The following NLGN1 variants were observed in gnomAD, a reference collection of about 807,000 sequenced individuals.
The protein encoded by NLGN1 is neuroligin-1.
In NLGN1, 12 loss-of-function variants were observed where a neutral mutation model predicts 65.5. That is an observed-to-expected ratio of 0.18 (90% CI 0.12 to 0.30). The LOEUF is 0.30. Among genes scored for constraint, NLGN1 ranks in the 10% least tolerant of loss-of-function variants. The pLI is 1.00. For synonymous variants in NLGN1, 350 were observed against 359.5 expected (o/e 0.97, Z 0.30); for missense variants, 750 against 1,007.1 (o/e 0.74, Z 3.46).
chr3:174,217,466 G>A (rs1561313503), intron 4 of NLGN1, among the ~76,000 whole-genome samples: 3 of 152,066 alleles, frequency 2.0e-5, no homozygotes, highest in Non-Finnish European at 2.9e-5. Flanking sequence ...CAAGATAAGG[G>A]TACCAACATG....
chr3:173,795,997 A>G (rs187287512), intron 3 of NLGN1, among the ~76,000 whole-genome samples: 77 of 152,216 alleles, frequency 5.1e-4, no homozygotes, highest in Non-Finnish European at 9.7e-4. Flanking sequence ...CAGAAGCTCT[A>G]AATAATCCTA....
At chr3:173,955,221 T>C (rs1711697016) in intron 4 of NLGN1, among the ~76,000 whole-genome samples, 1 of 152,208 alleles carries the variant, frequency 6.6e-6, no homozygotes, top group South Asian at 2.1e-4. Flanking sequence ...CATCCTTGGC[T>C]CATAGGCCGT....
At chr3:174,102,545 G>T (rs1712778457) in intron 4 of NLGN1, among the ~76,000 whole-genome samples, 1 of 152,064 alleles carries the variant, frequency 6.6e-6, no homozygotes. Context: ...TAGGAAATGA[G>T]AGCCGTATTC....
chr3:173,521,511 C>G (rs551062469), intron 2 of NLGN1, among the ~76,000 whole-genome samples: 12 of 152,174 alleles, frequency 7.9e-5, no homozygotes, highest in Non-Finnish European at 1.5e-4. Flanking sequence ...AGCCTAGAAT[C>G]AGCACTGTAC....
At chr3:173,395,997 G>C (rs1716590059), upstream of NLGN1, among the ~76,000 whole-genome samples, 1 of 151,474 alleles carries the variant, frequency 6.6e-6, no homozygotes. Context: ...GAGAGGGAGA[G>C]AGAGAAGGTG....
intron 3 of NLGN1, among the ~76,000 whole-genome samples, chr3:173,620,818 G>A (rs1753874532): frequency 6.6e-6 from 1 of 152,020 alleles, no homozygotes; most frequent in Non-Finnish European, 1.5e-5. Context: ...TCAAAATTGA[G>A]AAGAAAAACA....
rs1170795287 is a variant in NLGN1, at chr3:173,860,214, A to C, written c.646+52382A>C. 2.0e-5 allele frequency among the ~76,000 whole-genome samples: 3 copies of C among 152,118 alleles called. No homozygotes were observed. The East Asian group carries it at 5.8e-4, about 29-fold the overall frequency. ...ATTAACATTATATACCTTTCCAAAAATACTGTTTTACATGTGTCCCAAATA... is the reference window on the plus strand; with the variant it reads ...ATTAACATTATATACCTTTCCAAAACTACTGTTTTACATGTGTCCCAAATA... On this transcript the variant is annotated intron_variant, in intron 4 of 6. Transcript: ENST00000457714.
chr3:173,692,168 T>C (rs1765567641), intron 3 of NLGN1, among the ~76,000 whole-genome samples: 1 of 152,096 alleles, frequency 6.6e-6, no homozygotes, highest in African/African-American at 2.4e-5. Flanking sequence ...TAAGGCATTC[T>C]CAACTGGAAA....
chr3:174,045,951 A>G (rs1164777949), intron 4 of NLGN1, among the ~76,000 whole-genome samples: 1 of 152,204 alleles, frequency 6.6e-6, no homozygotes, highest in East Asian at 1.9e-4. Context: ...CTTAGTTTCA[A>G]GAAATCTGAG....
chr3:173,433,590 T>C (rs1001557587), intron 1 of NLGN1, among the ~76,000 whole-genome samples: 4 of 152,354 alleles, frequency 2.6e-5, no homozygotes, highest in Middle Eastern at 3.4e-3. Flanking sequence ...CTAGCTATTT[T>C]ATATTTTTGC....
intron 3 of NLGN1, among the ~76,000 whole-genome samples, chr3:173,731,395 T>C (rs1056093697): frequency 6.6e-6 from 1 of 152,104 alleles, no homozygotes; most frequent in Non-Finnish European, 1.5e-5. Flanking sequence ...AAGTTTTTAT[T>C]TTGGAAATGC....
chr3:173,517,763 T>TATCC (rs1243485347), intron 2 of NLGN1, among the ~76,000 whole-genome samples: 1 of 145,794 alleles, frequency 6.9e-6, no homozygotes, highest in African/African-American at 2.8e-5. Context: ...TCTATCTATC[T>TATCC]ATCTATCTAT....
At chr3:173,847,659 G>A (rs192282152) in intron 4 of NLGN1, among the ~76,000 whole-genome samples, 1 of 152,192 alleles carries the variant, frequency 6.6e-6, no homozygotes, top group East Asian at 1.9e-4. Context: ...ATCACCTGAG[G>A]GCAGGAGTTT....
chr3:173,559,705 C>T (rs532182235), intron 2 of NLGN1, among the ~76,000 whole-genome samples: 3 of 152,008 alleles, frequency 2.0e-5, no homozygotes, highest in South Asian at 4.1e-4. Context: ...CGAGATATAA[C>T]GAAAGAGAAT....
In NLGN1 at chr3:173,804,597, G is replaced by A. The variant is rs375516142; in HGVS notation, c.494-3083G>A. Among the ~76,000 whole-genome samples the A allele has an allele frequency of 9.2e-4, 137 of 148,752 alleles. 1 individual carries two copies. The South Asian group carries it at 0.013, about 15-fold the overall frequency. ...TATTAGTTTTATTTATAAAGAGTCT[G>A]GTTCTTTCTAAAAACAAATAAATAG... On this transcript the variant is annotated intron_variant, in intron 3 of 6. Coordinates refer to ENST00000457714, the Ensembl canonical transcript of NLGN1.
chr3:173,723,660 A>G (rs1771249919), intron 3 of NLGN1, among the ~76,000 whole-genome samples: 1 of 152,204 alleles, frequency 6.6e-6, no homozygotes, highest in Non-Finnish European at 1.5e-5. Flanking sequence ...AATTTTCTAT[A>G]TAAAAATAAG....
intron 3 of NLGN1, among the ~76,000 whole-genome samples, chr3:173,738,861 G>A (rs1445839929): frequency 6.6e-6 from 1 of 152,010 alleles, no homozygotes; most frequent in Non-Finnish European, 1.5e-5. Context: ...ACTGCAAGAG[G>A]CAAAAACATT....
intron 4 of NLGN1, among the ~76,000 whole-genome samples, chr3:174,069,631 G>A (rs1739390476): frequency 6.6e-6 from 1 of 152,206 alleles, no homozygotes; most frequent in Non-Finnish European, 1.5e-5. Context: ...GCTGGGCAGG[G>A]AAGTGTGAAA....
At chr3:173,564,652 A>G (rs185139801) in intron 2 of NLGN1, among the ~76,000 whole-genome samples, 86 of 152,310 alleles carry the variant, frequency 5.6e-4, no homozygotes, top group African/African-American at 2.0e-3. Context: ...TGTAACTTTC[A>G]TTACTGTGAA....
Sources: allele counts gnomAD v4.1 joint callset (sites outside exome capture counted in the v4.1 genomes callset), GRCh38; gene constraint gnomAD v4.1.1; transcripts MANE v1.5; gene names NCBI Gene and HGNC (gene_info 2026-07-23, HGNC 2026-07-21).